Variants in SENP7 observed in about 807,000 individuals in gnomAD.
SENP7 encodes sentrin-specific protease 7.
SENP7 carries 64 observed loss-of-function variants against 141.2 expected under a neutral mutation model. The ratio of observed to expected loss-of-function variants is 0.45; its 90% CI spans 0.37 to 0.56. The LOEUF is 0.56. SENP7 is among the 20% of genes least tolerant of loss of function. The pLI is 0.00. For missense variants in SENP7, 1,025 were observed against 1,212.2 expected, an observed-to-expected ratio of 0.85 and a Z score of 2.29; for synonymous variants, 382 against 426.4, an observed-to-expected ratio of 0.90 and a Z score of 1.28.
intron 3 of SENP7, among the ~76,000 whole-genome samples, chr3:101,492,281 G>A (rs2064998603): frequency 1.3e-5 from 2 of 151,684 alleles, no homozygotes; most frequent in African/African-American, 4.8e-5. Context: ...AGGCTGAGGT[G>A]GGAGCACAGC....
At chr3:101,354,657 A>C (rs2059692595) in intron 11 of SENP7, among the ~76,000 whole-genome samples, 1 of 152,050 alleles carries the variant, frequency 6.6e-6, no homozygotes. Flanking sequence ...TTGGGCACTT[A>C]GGTTGATTCC....
At chr3:101,438,888 G>A (rs1343417934) in intron 4 of SENP7, among the ~76,000 whole-genome samples, 1 of 151,366 alleles carries the variant, frequency 6.6e-6, no homozygotes, top group Non-Finnish European at 1.5e-5. Context: ...GGGGCCCGAG[G>A]GCAAGGAGCA....
At chr3:101,428,682 G>A (rs2062047644) in intron 4 of SENP7, among the ~76,000 whole-genome samples, 1 of 152,242 alleles carries the variant, frequency 6.6e-6, no homozygotes, top group Non-Finnish European at 1.5e-5. Flanking sequence ...CTTTTGCTGT[G>A]CAGAAGCTCT....
intron 9 of SENP7, among the ~76,000 whole-genome samples, chr3:101,365,478 A>C (rs2060011916): frequency 1.3e-5 from 2 of 151,410 alleles, no homozygotes; most frequent in South Asian, 4.2e-4. Flanking sequence ...TCTAGCAAAA[A>C]TACAAAAATT....
At chr3:101,481,018 C>G (rs148367792) in intron 3 of SENP7, among the ~76,000 whole-genome samples, 1 of 148,694 alleles carries the variant, frequency 6.7e-6, no homozygotes, top group Non-Finnish European at 1.5e-5. Flanking sequence ...CTCACATACA[C>G]TGTTGGTGGG....
At chr3:101,410,916 G>C (rs2061440690) in intron 5 of SENP7, among the ~76,000 whole-genome samples, 2 of 126,918 alleles carry the variant, frequency 1.6e-5, no homozygotes, top group African/African-American at 5.7e-5. Context: ...CTGTAGCAAA[G>C]TCCAATTCCT....
intron 4 of SENP7, among the ~76,000 whole-genome samples, chr3:101,448,991 G>A (rs536159525): frequency 2.2e-4 from 34 of 152,196 alleles, no homozygotes; most frequent in Non-Finnish European, 3.7e-4. Context: ...AAAATTAGAC[G>A]AATGGCTAAC....
intron 4 of SENP7, among the ~76,000 whole-genome samples, chr3:101,419,882 G>T (rs1045609052): frequency 3.3e-5 from 5 of 152,168 alleles, no homozygotes; most frequent in Admixed American, 1.3e-4. Context: ...TCCATGAGGG[G>T]CTTACAAATT....
At chr3:101,359,403 T>C (rs1038661549) in intron 11 of SENP7, among the ~76,000 whole-genome samples, 1 of 149,884 alleles carries the variant, frequency 6.7e-6, no homozygotes, top group Non-Finnish European at 1.5e-5. Flanking sequence ...AATATATATA[T>C]AGAATCCAGA....
chr3:101,449,042 G>C (rs2063011556), intron 4 of SENP7, among the ~76,000 whole-genome samples: 1 of 152,162 alleles, frequency 6.6e-6, no homozygotes. Context: ...AGACGTGATG[G>C]AGCTGAAAAC....
At chr3:101,398,710 T>A in intron 6 of SENP7, 151 bp downstream of exon 6, 3 of 567,416 alleles carry the variant, frequency 5.3e-6, no homozygotes, top group Non-Finnish European at 8.9e-6. Context: ...TTGGTTCCAA[T>A]AGCCATTCCA....
chr3:101,467,357 T>A (rs2063797284), intron 3 of SENP7, among the ~76,000 whole-genome samples: 1 of 152,242 alleles, frequency 6.6e-6, no homozygotes, highest in Non-Finnish European at 1.5e-5. Context: ...GTTTGAGCTT[T>A]GAGAACAGAC....
At position 101,364,246 on chromosome 3, in the gene SENP7, A is replaced by AAG. The variant is rs71708354; in HGVS notation, c.1476+586_1476+587dup. Among the ~76,000 whole-genome samples, 834 of 152,086 alleles carry AAG rather than the reference A, an allele frequency of 5.5e-3. 11 individuals are homozygous for AAG. Among genetic ancestry groups the AAG allele is most frequent in the African/African-American group, 0.019 (807 of 41,436 alleles). On this transcript the variant is annotated intron_variant, in intron 10 of 23. Transcript: ENST00000394095. ...TGTCTCAAAAAGAAAGAAAGAAAGA[A>AAG]AGAAAGAAAGAATACTGATAATAAA...
intron 2 of SENP7, among the ~76,000 whole-genome samples, chr3:101,498,560 A>G (rs1412866992): frequency 6.6e-6 from 1 of 152,226 alleles, no homozygotes; most frequent in Non-Finnish European, 1.5e-5. Context: ...AAGAAAAAAG[A>G]CTGAAGAATT....
chr3:101,374,196 C>T (rs1185003099), intron 6 of SENP7, among the ~76,000 whole-genome samples: 1 of 152,008 alleles, frequency 6.6e-6, no homozygotes, highest in Admixed American at 6.6e-5. Flanking sequence ...TGAAACCATT[C>T]AATAGGGAAG....
intron 3 of SENP7, among the ~76,000 whole-genome samples, chr3:101,464,604 A>G (rs893976453): frequency 1.3e-5 from 2 of 152,242 alleles, no homozygotes; most frequent in Non-Finnish European, 2.9e-5. Context: ...GGGATCATCT[A>G]GTTGCAGGAA....
At chr3:101,397,934 T>A (rs1016076268) in intron 6 of SENP7, among the ~76,000 whole-genome samples, 1 of 152,224 alleles carries the variant, frequency 6.6e-6, no homozygotes, top group Non-Finnish European at 1.5e-5. Flanking sequence ...CACAGATTTT[T>A]TCTTATTTCC....
At chr3:101,405,435 C>G (rs2061273878) in intron 5 of SENP7, among the ~76,000 whole-genome samples, 1 of 152,184 alleles carries the variant, frequency 6.6e-6, no homozygotes, top group African/African-American at 2.4e-5. Context: ...TGAACAACAG[C>G]CTTCAGCCCT....
intron 3 of SENP7, among the ~76,000 whole-genome samples, chr3:101,463,388 TATATATATAC>T (rs1179928683): frequency 1.4e-4 from 13 of 92,998 alleles, no homozygotes; most frequent in African/African-American, 5.2e-4. Flanking sequence ...TATATATATA[TATATATATAC>T]ATATATATAT....
Sources: allele counts gnomAD v4.1 joint callset (sites outside exome capture counted in the v4.1 genomes callset), GRCh38; gene constraint gnomAD v4.1.1; transcripts MANE v1.5; gene names NCBI Gene and HGNC (gene_info 2026-07-23, HGNC 2026-07-21).